Variants in CADM2 observed in about 807,000 individuals in gnomAD.
CADM2 encodes the protein immunoglobulin superfamily member 4D.
In CADM2, 12 loss-of-function variants were observed where a neutral mutation model predicts 49.8. That is an observed-to-expected ratio of 0.24 (90% CI 0.15 to 0.39). The LOEUF is 0.39. Among genes scored for constraint, CADM2 ranks in the 10% least tolerant of loss-of-function variants. The probability of loss-of-function intolerance (pLI) is 1.00; values close to 1 mark genes in which losing one functional copy is unlikely to be tolerated. For synonymous variants in CADM2, 214 were observed against 175.4 expected, an observed-to-expected ratio of 1.22 and a Z score of -1.74; for missense variants, 378 against 492.3, an observed-to-expected ratio of 0.77 and a Z score of 2.20.
intron 1 of CADM2, among the ~76,000 whole-genome samples, chr3:84,975,466 T>C (rs2031759016): frequency 6.6e-6 from 1 of 151,820 alleles, no homozygotes; most frequent in Non-Finnish European, 1.5e-5. Flanking sequence ...ATGCCATCTC[T>C]GAAGCATATA....
intron 2 of CADM2, among the ~76,000 whole-genome samples, chr3:85,768,672 A>AAT (rs1310194493): frequency 2.8e-4 from 41 of 146,836 alleles, no homozygotes; most frequent in African/African-American, 5.9e-4. Flanking sequence ...ATGGAATCTG[A>AAT]ATATATATAT....
chr3:85,285,078 A>T (rs1185004902), intron 1 of CADM2, among the ~76,000 whole-genome samples: 1 of 152,132 alleles, frequency 6.6e-6, no homozygotes. Flanking sequence ...CTGATGTCCG[A>T]AGATGGGATG....
chr3:85,329,320 A>G (rs1041419423), intron 1 of CADM2, among the ~76,000 whole-genome samples: 1 of 151,752 alleles, frequency 6.6e-6, no homozygotes, highest in African/African-American at 2.4e-5. Flanking sequence ...GAAGATCACG[A>G]AGTCAGGAGT....
intron 1 of CADM2, among the ~76,000 whole-genome samples, chr3:85,019,909 C>G (rs904743442): frequency 1.3e-5 from 2 of 152,164 alleles, no homozygotes; most frequent in African/African-American, 4.8e-5. Context: ...TCTAAAACAG[C>G]TACGAGTGCC....
At chr3:85,250,441 AAAT>A (rs1393894017) in intron 1 of CADM2, among the ~76,000 whole-genome samples, 1 of 151,624 alleles carries the variant, frequency 6.6e-6, no homozygotes, top group Admixed American at 6.6e-5. Flanking sequence ...TATAAATAAA[AAAT>A]AAAATATTGG....
At chr3:85,182,250 G>A (rs768816025) in intron 1 of CADM2, among the ~76,000 whole-genome samples, 14 of 151,954 alleles carry the variant, frequency 9.2e-5, no homozygotes, top group Non-Finnish European at 1.9e-4. Flanking sequence ...CATCTTCAGT[G>A]AGGGCTGAAA....
intron 1 of CADM2, among the ~76,000 whole-genome samples, chr3:85,107,162 T>C (rs1288528194): frequency 6.6e-6 from 1 of 152,172 alleles, no homozygotes; most frequent in Non-Finnish European, 1.5e-5. Context: ...CAAAGGATAA[T>C]ATAATATTGA....
chr3:86,045,838 G>A (rs1007548495), intron 8 of CADM2, among the ~76,000 whole-genome samples: 1 of 152,112 alleles, frequency 6.6e-6, no homozygotes, highest in Non-Finnish European at 1.5e-5. Context: ...CAGTAACCCT[G>A]TACAATAAAT....
intron 1 of CADM2, among the ~76,000 whole-genome samples, chr3:85,266,502 C>A (rs1338589552): frequency 6.6e-6 from 1 of 151,534 alleles, no homozygotes. Context: ...TACTGATAAA[C>A]CATAATACCA....
At chr3:85,707,393 C>CT (rs34006416) in intron 1 of CADM2, among the ~76,000 whole-genome samples, 41,238 of 128,502 alleles carry the variant, frequency 0.32, 7,027 homozygotes, top group African/African-American at 0.43. Flanking sequence ...ATCATTGTAT[C>CT]TTTTTTTTTT....
At chr3:85,928,133 C>A (rs1237360427) in intron 6 of CADM2, among the ~76,000 whole-genome samples, 2 of 151,102 alleles carry the variant, frequency 1.3e-5, no homozygotes, top group Non-Finnish European at 2.9e-5. Context: ...TTCATAAAAC[C>A]TTTAAATTTT....
chr3:86,026,237 T>C (rs188260398), intron 8 of CADM2, among the ~76,000 whole-genome samples: 199 of 152,276 alleles, frequency 1.3e-3, no homozygotes, highest in Non-Finnish European at 2.3e-3. Flanking sequence ...TTTAACTGTG[T>C]TTAAATTTAA....
At chr3:85,427,647 T>A (rs899710217) in intron 1 of CADM2, among the ~76,000 whole-genome samples, 1 of 152,100 alleles carries the variant, frequency 6.6e-6, no homozygotes, top group Non-Finnish European at 1.5e-5. Context: ...TATTATCAAA[T>A]CATCCTTGGA....
intron 1 of CADM2, among the ~76,000 whole-genome samples, chr3:85,662,515 A>G (rs908777904): frequency 7.2e-5 from 11 of 152,026 alleles, no homozygotes; most frequent in Admixed American, 6.6e-4. Context: ...ATTTTTAAAT[A>G]GCTCTCCAGC....
At chr3:85,806,199 G>A (rs1177821521) in intron 3 of CADM2, among the ~76,000 whole-genome samples, 1 of 151,126 alleles carries the variant, frequency 6.6e-6, no homozygotes, top group African/African-American at 2.4e-5. Flanking sequence ...AGGAAGGAAG[G>A]AAGGAAAGAA....
intron 2 of CADM2, among the ~76,000 whole-genome samples, chr3:85,778,852 G>A (rs1302087402): frequency 6.6e-6 from 1 of 151,750 alleles, no homozygotes; most frequent in Non-Finnish European, 1.5e-5. Context: ...TATCTCCTCT[G>A]ACCAAAAAAT....
chr3:85,911,872 G>GC (rs779771801), intron 5 of CADM2, among the ~76,000 whole-genome samples: 2 of 151,580 alleles, frequency 1.3e-5, no homozygotes, highest in Admixed American at 6.6e-5. Flanking sequence ...AAATTGCTGC[G>GC]CCCCCACCCT....
intron 1 of CADM2, among the ~76,000 whole-genome samples, chr3:85,311,122 C>T (rs1018299526): frequency 4.6e-5 from 7 of 151,888 alleles, no homozygotes; most frequent in Non-Finnish European, 7.4e-5. Flanking sequence ...TCTCATAATT[C>T]GGCATATATG....
Position 85,094,619 on chromosome 3 carries a change from A to G in CADM2, c.61+134951A>G, listed in dbSNP as rs72905212. ...AAAATGATGATAACTTTCAATATAA[A>G]CTGGAAAAATATTAAACAAGGATAC... is the stretch of plus-strand genomic sequence containing the variant. On this transcript the variant is annotated intron_variant, in intron 1 of 9. Transcript: ENST00000383699. Among the ~76,000 whole-genome samples the G allele has an allele frequency of 7.2e-3, 1,094 of 152,288 alleles. 18 individuals carry two copies. The highest frequency in any genetic ancestry group is 0.025 in the African/African-American group (1,022 of 41,564).
Sources: allele counts gnomAD v4.1 joint callset (sites outside exome capture counted in the v4.1 genomes callset), GRCh38; gene constraint gnomAD v4.1.1; transcripts MANE v1.5; gene names NCBI Gene and HGNC (gene_info 2026-07-23, HGNC 2026-07-21).